CADPS2: variants seen among roughly 807,000 people sequenced by gnomAD.
The protein encoded by CADPS2 is calcium dependent secretion activator 2.
In CADPS2, 93 loss-of-function variants were observed where a neutral mutation model predicts 172.5. That is an observed-to-expected ratio of 0.54 (90% confidence interval 0.46 to 0.64). The LOEUF is 0.64. Ranked by LOEUF, CADPS2 falls within the 30% of genes least tolerant of loss-of-function variation. The probability of loss-of-function intolerance (pLI) is 0.00; values close to 1 mark genes in which losing one functional copy is unlikely to be tolerated. For missense variants in CADPS2, 1,420 were observed against 1,565.9 expected (o/e 0.91, Z 1.57); for synonymous variants, 546 against 555.2 (o/e 0.98, Z 0.23).
intron 1 of CADPS2, among the ~76,000 whole-genome samples, chr7:122,739,450 A>T (rs2092359015): frequency 6.6e-6 from 1 of 152,206 alleles, no homozygotes; most frequent in South Asian, 2.1e-4. Context: ...CTATTATAAC[A>T]GTGAGTTACT....
At chr7:122,736,719 G>A (rs1376479876) in intron 2 of CADPS2, among the ~76,000 whole-genome samples, 1 of 152,104 alleles carries the variant, frequency 6.6e-6, no homozygotes, top group Non-Finnish European at 1.5e-5. Flanking sequence ...TTTCTAAATA[G>A]TTTACTTCTC....
chr7:122,742,817 C>G (rs2092556094), intron 1 of CADPS2, among the ~76,000 whole-genome samples: 1 of 152,154 alleles, frequency 6.6e-6, no homozygotes, highest in Non-Finnish European at 1.5e-5. Context: ...AGAGAGCTCT[C>G]TTAGCTTTGT....
At chr7:122,534,079 C>G (rs2062013000) in intron 8 of CADPS2, among the ~76,000 whole-genome samples, 1 of 152,106 alleles carries the variant, frequency 6.6e-6, no homozygotes, top group Non-Finnish European at 1.5e-5. Flanking sequence ...ATAATATTCA[C>G]ATCTCCAGCT....
chr7:122,621,951 T>A lies in CADPS2; in HGVS notation c.868-234A>T, dbSNP rs540052168. Among the ~76,000 whole-genome samples the A allele has an allele frequency of 2.0e-5, 3 of 152,298 alleles. No individual in the cohort carries two copies. The South Asian group carries it at 6.2e-4, about 32-fold the overall frequency. On this transcript the variant is annotated intron_variant, in intron 4 of 29. Coordinates refer to ENST00000449022, the MANE Select transcript of CADPS2 (RefSeq NM_017954.11). ...TGCAGTACAAAATGAAAAAATCGCA[T>A]ATATTTTCACATTAAATTTATTTGT...
Position 122,454,731 on chromosome 7 carries a change from ATGTT to A in CADPS2, c.2187-3260_2187-3257del, listed in dbSNP as rs1376372473. ...AATTTAAACCAGTTATATTTTATGA[ATGTT>A]TGTTTAATAGACTCAGAGTATTCGA... is the stretch of plus-strand genomic sequence containing the variant. On this transcript the variant is annotated intron_variant, in intron 14 of 29. Coordinates refer to ENST00000449022, the MANE Select transcript of CADPS2 (RefSeq NM_017954.11). Among the ~76,000 whole-genome samples the A allele has an allele frequency of 7.2e-5, 11 of 152,312 alleles. 1 individual carries two copies. The highest frequency in any genetic ancestry group is 2.6e-4 in the Admixed American group (4 of 15,296).
At chr7:122,669,353 A>ATTT (rs1420234385) in intron 2 of CADPS2, among the ~76,000 whole-genome samples, 1 of 81,436 alleles carries the variant, frequency 1.2e-5, no homozygotes, top group African/African-American at 5.7e-5. Flanking sequence ...ATATATATAT[A>ATTT]TATTTTTTTT....
chr7:122,612,727 T>C (rs755764349), intron 6 of CADPS2, among the ~76,000 whole-genome samples: 1 of 152,072 alleles, frequency 6.6e-6, no homozygotes, highest in East Asian at 1.9e-4. Flanking sequence ...AATTTCAGAA[T>C]AGCCAAAACA....
intron 29 of CADPS2, among the ~76,000 whole-genome samples, chr7:122,321,390 AC>A (rs2032473503): frequency 6.6e-6 from 1 of 151,920 alleles, no homozygotes; most frequent in African/African-American, 2.4e-5. Context: ...CTTGTCTTGA[AC>A]CCCTGGCCTC....
At chr7:122,542,777 C>T (rs1446851974) in intron 8 of CADPS2, among the ~76,000 whole-genome samples, 2 of 151,852 alleles carry the variant, frequency 1.3e-5, no homozygotes, top group Admixed American at 1.3e-4. Flanking sequence ...CTGATCACTC[C>T]GGTTTTATCA....
chr7:122,836,288 A>T (rs1808384150), intron 1 of CADPS2, among the ~76,000 whole-genome samples: 1 of 152,204 alleles, frequency 6.6e-6, no homozygotes, highest in Non-Finnish European at 1.5e-5. Context: ...AGCACTAAAC[A>T]TGGAAAGGAA....
chr7:122,636,244 T>C (rs1459974590), intron 3 of CADPS2, among the ~76,000 whole-genome samples: 1 of 152,144 alleles, frequency 6.6e-6, no homozygotes, highest in African/African-American at 2.4e-5. Context: ...TGGTGTTTCA[T>C]CTCCATGTTT....
chr7:122,534,835 G>A (rs1206935176), intron 8 of CADPS2, among the ~76,000 whole-genome samples: 7 of 152,126 alleles, frequency 4.6e-5, no homozygotes, highest in African/African-American at 1.2e-4. Context: ...AGGTTCCTTA[G>A]CCACTAAGAA....
chr7:122,449,146 G>C (rs1054035936), intron 15 of CADPS2, among the ~76,000 whole-genome samples: 6 of 152,100 alleles, frequency 3.9e-5, no homozygotes, highest in Non-Finnish European at 7.3e-5. Context: ...ATTGCTTGCA[G>C]TTGAAATCAT....
chr7:122,611,950 GA>G (rs2074349843), intron 6 of CADPS2, among the ~76,000 whole-genome samples: 1 of 151,864 alleles, frequency 6.6e-6, no homozygotes, highest in Non-Finnish European at 1.5e-5. Context: ...CAGAATAAAA[GA>G]CAAAATCCAC....
At chr7:122,407,757 T>A in intron 19 of CADPS2, 61 bp from the exon 20 acceptor site, 1 of 1,376,722 alleles carries the variant, frequency 7.3e-7, no homozygotes, top group Non-Finnish European at 1.0e-6. Flanking sequence ...CATGCACAAG[T>A]ACTGTGCCAG....
intron 27 of CADPS2, chr7:122,357,530 TG>T (rs1332082493): frequency 6.6e-6 from 1 of 152,172 alleles, no homozygotes; most frequent in Non-Finnish European, 1.5e-5. Context: ...TCACTCTTTT[TG>T]CTATAAAGTT....
At chr7:122,590,546 C>T (rs2070635506) in intron 6 of CADPS2, among the ~76,000 whole-genome samples, 1 of 151,826 alleles carries the variant, frequency 6.6e-6, no homozygotes, top group South Asian at 2.1e-4. Flanking sequence ...AGGTTGTTTC[C>T]AGTCTTAACC....
Position 122,345,682 on chromosome 7 carries a change from CT to C in CADPS2, c.3505-2del. On this transcript the variant is annotated splice_acceptor_variant, in intron 27 of 29. Transcript: ENST00000449022. LOFTEE classifies it high-confidence loss of function. ...TGTCTGCCAGATCCATTCCTGGTTT[CT>C]GTTGTGAAGGAAAAGCAGGGGGAAC... 6.3e-7 allele frequency: 1 copy of C among 1,596,056 alleles called. No individual in the cohort carries two copies. The highest frequency in any genetic ancestry group is 8.6e-7 in the Non-Finnish European group (1 of 1,166,476).
intron 3 of CADPS2, among the ~76,000 whole-genome samples, chr7:122,636,462 G>GTTTTTT (rs66587423): frequency 3.0e-5 from 3 of 100,172 alleles, no homozygotes; most frequent in African/African-American, 4.1e-5. Context: ...CACAAGAGAT[G>GTTTTTT]TTTTTTTTTT....
Sources: gnomAD v4.1 joint callset for allele counts (sites outside exome capture counted in the v4.1 genomes callset) on GRCh38, gnomAD v4.1.1 for gene constraint, MANE v1.5 for transcripts, NCBI Gene and HGNC (gene_info 2026-07-23, HGNC 2026-07-21) for gene names.